SBNO1: variants seen among roughly 807,000 people sequenced by gnomAD.
The protein encoded by SBNO1 is strawberry notch homolog 1.
A neutral mutation model predicts 173.6 loss-of-function variants in SBNO1; 23 were observed. The observed-to-expected ratio is 0.13, with a 90% CI of 0.10 to 0.19. SBNO1 has a LOEUF of 0.19. Among genes scored for constraint, SBNO1 ranks in the 10% least tolerant of loss-of-function variants. The probability of loss-of-function intolerance (pLI) is 1.00; values close to 1 mark genes in which losing one functional copy is unlikely to be tolerated. For missense variants in SBNO1, 1,238 were observed against 1,671.2 expected (o/e 0.74, Z 4.52); for synonymous variants, 632 against 571.5 (o/e 1.11, Z -1.51).
At chr12:123,345,147 A>G (rs986939505) in intron 4 of SBNO1, 111 bp downstream of exon 4, 4 of 904,616 alleles carry the variant, frequency 4.4e-6, no homozygotes, top group South Asian at 3.3e-5. Flanking sequence ...AATAATGCAT[A>G]TAACACCCTT....
At chr12:123,364,607 C>G (rs930219785) in intron 1 of SBNO1, 94 bp downstream of exon 1, 66 of 968,308 alleles carry the variant, frequency 6.8e-5, no homozygotes, top group Non-Finnish European at 7.6e-5. Context: ...GCTGTCCCCC[C>G]AGCCTGGCCC....
intron 7 of SBNO1, among the ~76,000 whole-genome samples, chr12:123,333,015 T>C (rs1468636780): frequency 4.6e-5 from 7 of 151,884 alleles, no homozygotes; most frequent in Non-Finnish European, 7.4e-5. Flanking sequence ...TCCCAGCTAC[T>C]CGGGAGGCTG....
intron 15 of SBNO1, among the ~76,000 whole-genome samples, chr12:123,324,910 T>C (rs1291670939): frequency 6.6e-6 from 1 of 151,522 alleles, no homozygotes; most frequent in Non-Finnish European, 1.5e-5. Flanking sequence ...ACGGGTTCAA[T>C]GGATTCTCCT....
chr12:123,293,914 A>G lies in SBNO1; in HGVS notation c.*1994T>C, dbSNP rs1018338522. ...CAGGTCCAGCGACTGCACCTCCACC[A>G]CTGGAGTGGGGGACACTTCCATTGC... On this transcript the variant is annotated 3_prime_UTR_variant, in exon 32 of 32. Coordinates refer to ENST00000602398, the MANE Select transcript of SBNO1 (RefSeq NM_001167856.3). 17 of 150,324 alleles carry G rather than the reference A, an allele frequency of 1.1e-4. No individual in the cohort carries two copies. Among genetic ancestry groups the G allele is most frequent in the African/African-American group, 3.9e-4 (16 of 40,910 alleles). 9.3% of individuals were successfully genotyped at this position (150,324 alleles called of 1,614,324 possible). A position where few individuals can be genotyped will look rare whatever the true frequency, so the allele number is the denominator to read the frequency against.
At chr12:123,296,192 T>C in intron 31 of SBNO1, 142 bp from the exon 32 acceptor site, 3 of 586,142 alleles carry the variant, frequency 5.1e-6, no homozygotes, top group South Asian at 2.4e-5. Flanking sequence ...ACCTAATAAA[T>C]GAAATGGCCA....
At chr12:123,304,472 G>A (rs1262666525) in intron 29 of SBNO1, 110 bp downstream of exon 29, 1 of 782,582 alleles carries the variant, frequency 1.3e-6, no homozygotes, top group Non-Finnish European at 2.1e-6. Flanking sequence ...CTGACCTCAG[G>A]TGATCTGCCC....
rs779836893 is a variant in SBNO1 at position 123,330,479 on chromosome 12, A to G, written c.1074T>C (p.Asp358=). The G allele has an allele frequency of 6.2e-7, 1 of 1,604,234 alleles. No homozygotes were observed. Among genetic ancestry groups the G allele is most frequent in the South Asian group, 1.1e-5 (1 of 89,780 alleles). ...WFSVSNDLKY[D]AERDLRDIGA... is the part of the protein sequence containing the mutation. Reference sequence around the variant, plus strand: ...CAATATCCCTTAAATCTCTTTCAGCATCATACTTTAAGTCATTTGAAACAC... The same window carrying G: ...CAATATCCCTTAAATCTCTTTCAGCGTCATACTTTAAGTCATTTGAAACAC... Residue 358 remains aspartate, a synonymous_variant, in exon 9 of 32, where the codon GAT becomes GAC. Transcript: ENST00000602398.
In SBNO1 at chr12:123,320,488, G is replaced by T. The variant is rs149772827; in HGVS notation, c.2611C>A (p.Pro871Thr). ...KLEKLAEDLP[P>T]NTLDELIDEL... ...TCGATAAGTTCATCCAGGGTATTAGGGGGGAGGTCTTCAGCTAATTTTTCT... is the reference window on the plus strand; with the variant it reads ...TCGATAAGTTCATCCAGGGTATTAGTGGGGAGGTCTTCAGCTAATTTTTCT... Residue 871 changes from proline to threonine, a missense_variant, in exon 19 of 32, where the codon CCT becomes ACT. Physicochemically the swap from Pro to Thr is conservative, Grantham distance 38. Transcript: ENST00000602398. 10 of 1,613,974 alleles carry T rather than the reference G, an allele frequency of 6.2e-6. No individual in the cohort carries two copies. In the Admixed American group the frequency reaches 8.3e-5, roughly 13 times the overall value.
chr12:123,324,643 A>G (rs1484676499), intron 15 of SBNO1, among the ~76,000 whole-genome samples: 1 of 152,036 alleles, frequency 6.6e-6, no homozygotes, highest in Non-Finnish European at 1.5e-5. Context: ...ATCTGAATGC[A>G]TCCCGAGGCA....
In SBNO1 at chr12:123,315,355, C is replaced by T. The variant is rs572357000; in HGVS notation, c.3120+18G>A. On this transcript the variant is annotated intron_variant, in intron 23 of 31. Transcript: ENST00000602398. ...ACACTATCACAAGTTTTCAGAGATACTGAAAATTGAAATGTACCTTATTAT... is the reference window on the plus strand; with the variant it reads ...ACACTATCACAAGTTTTCAGAGATATTGAAAATTGAAATGTACCTTATTAT... 3 of 1,585,480 alleles carry T rather than the reference C, an allele frequency of 1.9e-6. No individual in the cohort carries two copies. The highest frequency in any genetic ancestry group is 1.1e-5 in the South Asian group (1 of 90,454).
Position 123,309,526 on chromosome 12 carries a change from G to T in SBNO1, c.3500C>A (p.Pro1167Gln), listed in dbSNP as rs754459665. The T allele has an allele frequency of 6.2e-7, 1 of 1,613,850 alleles. No homozygotes were observed. The highest frequency in any genetic ancestry group is 8.5e-7 in the Non-Finnish European group (1 of 1,179,768). Residue 1167 changes from proline (P) to glutamine (Q), a missense_variant, in exon 27 of 32, where the codon CCA becomes CAA. This residue lies in a region of SBNO1 where 351 missense variants were observed against 420.3 expected (regional missense o/e 0.84). Coordinates refer to ENST00000602398, the MANE Select transcript of SBNO1 (RefSeq NM_001167856.3). The part of the protein sequence containing the change: ...RKSDVKKFLT[P>Q]GYSTSGHVEL... ...TACGTGGCCAGAGGTTGAATATCCTGGAGTCAGAAACTTTTTAACATCACT... is the reference window on the plus strand; with the variant it reads ...TACGTGGCCAGAGGTTGAATATCCTTGAGTCAGAAACTTTTTAACATCACT...
chr12:123,355,554 A>C (rs1203665206), intron 1 of SBNO1, among the ~76,000 whole-genome samples: 2 of 151,900 alleles, frequency 1.3e-5, no homozygotes, highest in Admixed American at 6.6e-5. Context: ...CAGTGAGCCA[A>C]GATCGCAGCA....
Position 123,295,636 on chromosome 12 carries a change from ACG to A in SBNO1, c.*270_*271del. On this transcript the variant is annotated 3_prime_UTR_variant, in exon 32 of 32. Transcript: ENST00000602398. Reference sequence around the variant, plus strand: ...CACACTCACAAACAGACTGACACACACGCACACACACATCCCCCTCTGCTCAC... The same window carrying A: ...CACACTCACAAACAGACTGACACACACACACACACATCCCCCTCTGCTCAC... 1 of 377,102 alleles carries A rather than the reference ACG, an allele frequency of 2.7e-6. No individual in the cohort carries two copies. The allele number at this position is 377,102 out of a possible 1,614,324, so 23.4% of individuals were successfully genotyped here.
intron 1 of SBNO1, among the ~76,000 whole-genome samples, chr12:123,359,679 T>C (rs142420722): frequency 2.6e-4 from 40 of 152,312 alleles, no homozygotes; most frequent in Admixed American, 1.4e-3. Context: ...GATCTATATA[T>C]TGCCTCCCAA....
At chr12:123,297,226 G>C (rs1397158552) in intron 31 of SBNO1, among the ~76,000 whole-genome samples, 1 of 148,546 alleles carries the variant, frequency 6.7e-6, no homozygotes, top group African/African-American at 2.5e-5. Flanking sequence ...GCCAGGTGTG[G>C]TGGTGCATGC....
intron 5 of SBNO1, among the ~76,000 whole-genome samples, chr12:123,340,126 C>A (rs905423004): frequency 3.9e-5 from 6 of 152,110 alleles, no homozygotes; most frequent in African/African-American, 1.4e-4. Context: ...ACTACTTAAT[C>A]CAGATGGTTG....
chr12:123,325,774 A>C (rs1317802264), intron 14 of SBNO1, among the ~76,000 whole-genome samples, 175 bp from the exon 15 acceptor site: 1 of 100,204 alleles, frequency 1.0e-5, no homozygotes, highest in East Asian at 3.9e-4. Flanking sequence ...TTATTTGTCA[A>C]AAATTTAGGC....
At chr12:123,317,585 T>C (rs1325194806) in intron 20 of SBNO1, among the ~76,000 whole-genome samples, 1 of 152,158 alleles carries the variant, frequency 6.6e-6, no homozygotes, top group Non-Finnish European at 1.5e-5. Context: ...GTAGGCGACA[T>C]GCCCTTCTCA....
At chr12:123,332,099 T>G (rs1259498693) in intron 7 of SBNO1, among the ~76,000 whole-genome samples, 2 of 152,064 alleles carry the variant, frequency 1.3e-5, no homozygotes, top group East Asian at 3.9e-4. Flanking sequence ...TGCACCCGCC[T>G]TGGCCTCCCA....
Sources: gnomAD v4.1 joint callset for allele counts (sites outside exome capture counted in the v4.1 genomes callset) on GRCh38, gnomAD v4.1.1 for gene constraint, gnomAD v4.1.1 regional missense constraint, MANE v1.5 for transcripts, NCBI Gene and HGNC (gene_info 2026-07-23, HGNC 2026-07-21) for gene names.